IFT81: variants seen among roughly 807,000 people sequenced by gnomAD.
IFT81 encodes the protein intraflagellar transport protein 81 homolog.
A neutral mutation model predicts 102.6 loss-of-function variants in IFT81; 72 were observed. That is an observed-to-expected ratio of 0.70 (90% CI 0.58 to 0.85). The LOEUF (loss-of-function observed/expected upper bound fraction) is 0.85, where lower values mean the gene tolerates loss of function less well. IFT81 is among the 40% of genes least tolerant of loss of function. The probability of loss-of-function intolerance (pLI) is 0.00; values close to 1 mark genes in which losing one functional copy is unlikely to be tolerated. For missense variants in IFT81, 723 were observed against 787.3 expected, an observed-to-expected ratio of 0.92 and a Z score of 0.98; for synonymous variants, 237 against 242.7, an observed-to-expected ratio of 0.98 and a Z score of 0.22.
rs771085881 is a variant in IFT81 at position 110,135,351 on chromosome 12, T to C, written c.610T>C (p.Trp204Arg). 1.6e-5 allele frequency: 26 copies of C among 1,612,650 alleles called. No homozygotes were observed. Among genetic ancestry groups the C allele is most frequent in the Non-Finnish European group, 1.4e-5 (16 of 1,179,018 alleles). ...KRVETAQNHQWMLKIARQLRV... is the reference protein window; with the variant it reads ...KRVETAQNHQRMLKIARQLRV... ...GGTTGAGACAGCTCAGAATCATCAA[T>C]GGATGCTTAAAATAGCAAGGCAACT... Residue 204 changes from tryptophan to arginine, a missense_variant, in exon 7 of 19, where the codon TGG becomes CGG. Physicochemically the swap from Trp to Arg is moderately radical, Grantham distance 101 (BLOSUM62 -3). Coordinates refer to ENST00000242591, the MANE Select transcript of IFT81 (RefSeq NM_014055.4).
At chr12:110,202,748 A>T (rs946614167) in intron 14 of IFT81, among the ~76,000 whole-genome samples, 3 of 151,906 alleles carry the variant, frequency 2.0e-5, no homozygotes, top group Non-Finnish European at 2.9e-5. Flanking sequence ...CACCATGCCC[A>T]GCAGACTCCA....
intron 8 of IFT81, 121 bp downstream of exon 8, chr12:110,136,981 C>T (rs1305350695): frequency 3.6e-6 from 2 of 560,954 alleles, no homozygotes; most frequent in South Asian, 2.9e-5. Context: ...CATTTTGGAA[C>T]ATCATTTCCT....
rs755582226 is a variant in IFT81 at position 110,192,596 on chromosome 12, TA to T, written c.1468-20del. 2 of 1,260,118 alleles carry T rather than the reference TA, an allele frequency of 1.6e-6. No individual in the cohort carries two copies. The highest frequency in any genetic ancestry group is 2.2e-6 in the Non-Finnish European group (2 of 898,738). 78.1% of individuals were successfully genotyped at this position (1,260,118 alleles called of 1,614,324 possible). On this transcript the variant is annotated intron_variant, in intron 13 of 18. Coordinates refer to ENST00000242591, the MANE Select transcript of IFT81 (RefSeq NM_014055.4). The stretch of plus-strand genomic sequence containing the variant: ...TTTTTGAATTCTTTTTTAGGTGTTA[TA>T]TTTTTTGTTCAAATAACAGGTGAAA...
At chr12:110,144,978 A>G (rs1166398763) in intron 9 of IFT81, among the ~76,000 whole-genome samples, 1 of 135,778 alleles carries the variant, frequency 7.4e-6, no homozygotes, top group African/African-American at 2.8e-5. Context: ...CGATTCTTCT[A>G]CCTCAGCCTC....
At chr12:110,216,552 C>G (rs186952587) in intron 18 of IFT81, 3 of 453,112 alleles carry the variant, frequency 6.6e-6, no homozygotes, top group Non-Finnish European at 1.3e-5. Flanking sequence ...GAATCTCACT[C>G]TGTTGCCCAG....
At chr12:110,134,136 G>A (rs1347949685) in intron 5 of IFT81, among the ~76,000 whole-genome samples, 5 of 152,126 alleles carry the variant, frequency 3.3e-5, no homozygotes, top group Non-Finnish European at 5.9e-5. Context: ...AAGTAGCTGG[G>A]ATTACAGGCA....
At chr12:110,138,313 A>T (rs1008475635) in intron 8 of IFT81, among the ~76,000 whole-genome samples, 2 of 152,236 alleles carry the variant, frequency 1.3e-5, no homozygotes, top group Non-Finnish European at 2.9e-5. Flanking sequence ...TTTCAGTAAC[A>T]AAAAAGGCTT....
At position 110,127,359 on chromosome 12, in the gene IFT81, G is replaced by T; in HGVS notation, c.-21-1G>T. The T allele has an allele frequency of 6.7e-7, 1 of 1,485,600 alleles. No individual in the cohort carries two copies. Among genetic ancestry groups the T allele is most frequent in the Non-Finnish European group, 8.9e-7 (1 of 1,122,408 alleles). 92.0% of individuals were successfully genotyped at this position (1,485,600 alleles called of 1,614,324 possible). ...TTTTTTTTTCTATTTTTACTCTTTAGTTAAAATTATAAGACCTAATTATGA... is the reference window on the plus strand; with the variant it reads ...TTTTTTTTTCTATTTTTACTCTTTATTTAAAATTATAAGACCTAATTATGA... On this transcript the variant is annotated splice_acceptor_variant, in intron 1 of 18. Coordinates refer to ENST00000242591, the MANE Select transcript of IFT81 (RefSeq NM_014055.4). LOFTEE classifies it low-confidence loss of function (5UTR_SPLICE).
intron 11 of IFT81, among the ~76,000 whole-genome samples, chr12:110,164,098 G>C (rs1170918841): frequency 1.3e-5 from 2 of 152,062 alleles, no homozygotes; most frequent in Non-Finnish European, 2.9e-5. Context: ...ATGTATACTT[G>C]TCTGGTGGGA....
chr12:110,204,965 C>T (rs11835035), intron 15 of IFT81: 3,543 of 154,102 alleles, frequency 0.023, 126 homozygotes, highest in African/African-American at 0.079. Context: ...CAGATGCAGT[C>T]GCTCATGCCT....
rs1357524161 is a variant in IFT81, at chr12:110,136,827, A to G, written c.748A>G (p.Met250Val). 6.2e-7 allele frequency: 1 copy of G among 1,612,732 alleles called. No homozygotes were observed. The highest frequency in any genetic ancestry group is 8.5e-7 in the Non-Finnish European group (1 of 1,179,048). ...LQRVQNQLKS[M>V]RQAAADAKPE... ...AAGAGTACAAAACCAGCTGAAAAGC[A>G]TGCGCCAAGCTGCAGCAGATGCAAA... The change falls in exon 8 of 19, where the codon ATG becomes GTG. Residue 250 changes from methionine (M) to valine (V), a missense_variant. Transcript: ENST00000242591.
chr12:110,199,993 C>T (rs1898189673), intron 14 of IFT81, among the ~76,000 whole-genome samples: 5 of 152,232 alleles, frequency 3.3e-5, no homozygotes, highest in Admixed American at 3.3e-4. Flanking sequence ...TCTGCCTGAA[C>T]ATTAAAATCA....
At position 110,135,108 on chromosome 12, in the gene IFT81, G is replaced by A. The variant is rs56076213; in HGVS notation, c.585+95G>A. 0.082 allele frequency: 78,255 copies of A among 959,164 alleles called. 3,525 individuals carry two copies. The highest frequency in any genetic ancestry group is 0.11 in the Middle Eastern group (512 of 4,618). The allele number at this position is 959,164 out of a possible 1,614,324, so 59.4% of individuals were successfully genotyped here. ...AATAAAGATTCAGCCAAGCATGAGT[G>A]TACATCTGAGGATGGACTCAAATAA... On this transcript the variant is annotated intron_variant, in intron 6 of 18. Coordinates refer to ENST00000242591, the MANE Select transcript of IFT81 (RefSeq NM_014055.4).
intron 11 of IFT81, among the ~76,000 whole-genome samples, chr12:110,169,875 A>AT (rs1216893338): frequency 6.6e-6 from 1 of 151,894 alleles, no homozygotes; most frequent in African/African-American, 2.4e-5. Flanking sequence ...GATAAGGGAC[A>AT]TTTTTGAAGT....
chr12:110,182,208 ACT>A lies in IFT81; in HGVS notation c.1338+1638_1338+1639del, dbSNP rs531847392. 9.8e-5 allele frequency among the ~76,000 whole-genome samples: 15 copies of A among 152,332 alleles called. No individual in the cohort carries two copies. The South Asian group carries it at 3.1e-3, about 32-fold the overall frequency. On this transcript the variant is annotated intron_variant, in intron 12 of 18. Coordinates refer to ENST00000242591, the MANE Select transcript of IFT81 (RefSeq NM_014055.4). Reference sequence around the variant, plus strand: ...ACATCTACTACAGTTCACCCCTTGCACTAGTAGGATCTACTTGTTTGTCACAT... The same window carrying A: ...ACATCTACTACAGTTCACCCCTTGCAAGTAGGATCTACTTGTTTGTCACAT...
At chr12:110,167,988 A>G in intron 11 of IFT81, 1 of 174,482 alleles carries the variant, frequency 5.7e-6, no homozygotes, top group Non-Finnish European at 1.2e-5. Context: ...AGAAGCTCGG[A>G]CTACAGGCAC....
At chr12:110,166,081 T>C (rs1896421358) in intron 11 of IFT81, among the ~76,000 whole-genome samples, 1 of 152,232 alleles carries the variant, frequency 6.6e-6, no homozygotes, top group Admixed American at 6.5e-5. Context: ...TACTCAGCTG[T>C]AAAATGTGAA....
At chr12:110,144,189 G>T (rs1895058335) in intron 9 of IFT81, among the ~76,000 whole-genome samples, 1 of 147,280 alleles carries the variant, frequency 6.8e-6, no homozygotes, top group South Asian at 2.2e-4. Context: ...ATTTTTTGTT[G>T]TTGTTGTTGT....
In IFT81 at chr12:110,179,631, G is replaced by A. The variant is rs1254314125; in HGVS notation, c.1189-791G>A. Among the ~76,000 whole-genome samples the A allele has an allele frequency of 2.0e-5, 3 of 149,434 alleles. No individual in the cohort carries two copies. In the South Asian group the frequency reaches 6.4e-4, roughly 32 times the overall value. ...TCCTACTCTGGAGGCTGAGGCAGGA[G>A]AATTGCTTGATCCCAGGAGGTTAAG... is the stretch of plus-strand genomic sequence containing the variant. On this transcript the variant is annotated intron_variant, in intron 11 of 18. Transcript: ENST00000242591.
Sources: allele counts gnomAD v4.1 joint callset (sites outside exome capture counted in the v4.1 genomes callset), GRCh38; gene constraint gnomAD v4.1.1; transcripts MANE v1.5; gene names NCBI Gene and HGNC (gene_info 2026-07-23, HGNC 2026-07-21).